Variants in SS18L1 observed in about 807,000 individuals in gnomAD.
SS18L1 encodes the protein SS18L1 subunit of BAF chromatin remodeling complex, also known as calcium-responsive transactivator.
Under a neutral mutation model 70.3 loss-of-function variants are expected in SS18L1, and 32 were observed. The ratio of observed to expected loss-of-function variants is 0.46; its 90% CI spans 0.34 to 0.61. The LOEUF is 0.61. Among genes scored for constraint, SS18L1 ranks in the 20% least tolerant of loss-of-function variants. The probability of loss-of-function intolerance (pLI) is 0.01; values close to 1 mark genes in which losing one functional copy is unlikely to be tolerated. For synonymous variants in SS18L1, 237 were observed against 229.7 expected (o/e 1.03, Z -0.29); for missense variants, 430 against 542.1 (o/e 0.79, Z 2.05).
At position 62,175,485 on chromosome 20, in the gene SS18L1, G is replaced by A. The variant is rs539974407; in HGVS notation, c.1164+841G>A. The A allele has an allele frequency of 1.1e-5, 11 of 980,794 alleles. No homozygotes were observed. The African/African-American group carries it at 1.6e-4, about 14-fold the overall frequency. The allele number at this position is 980,794 out of a possible 1,614,324, so 60.8% of individuals were successfully genotyped here. A position where few individuals can be genotyped will look rare whatever the true frequency, so the allele number is the denominator to read the frequency against. ...TGCCAAGGTCCTGAGGCACCAGGAG[G>A]TTTGTCCCAGTGAAGGCAGCCTGAA... is the stretch of plus-strand genomic sequence containing the variant. On this transcript the variant is annotated intron_variant, in intron 10 of 10. Transcript: ENST00000331758.
intron 10 of SS18L1, among the ~76,000 whole-genome samples, chr20:62,175,792 G>A (rs376704517): frequency 2.6e-5 from 4 of 152,260 alleles, no homozygotes; most frequent in African/African-American, 7.2e-5. Context: ...CCAGGTAGAT[G>A]TAGAGAAGCC....
At chr20:62,173,705 C>T (rs1311550693) in intron 9 of SS18L1, among the ~76,000 whole-genome samples, 1 of 150,846 alleles carries the variant, frequency 6.6e-6, no homozygotes, top group East Asian at 2.0e-4. Flanking sequence ...GAGACGACTC[C>T]TCAAAAAATA....
intron 1 of SS18L1, among the ~76,000 whole-genome samples, chr20:62,156,913 T>C (rs2057233199): frequency 6.6e-6 from 1 of 152,204 alleles, no homozygotes; most frequent in African/African-American, 2.4e-5. Context: ...TTTCCTTGGG[T>C]GCCAGCCTCT....
chr20:62,146,074 C>T (rs1160153032), intron 1 of SS18L1, among the ~76,000 whole-genome samples: 8 of 152,094 alleles, frequency 5.3e-5, no homozygotes, highest in Admixed American at 4.6e-4. Context: ...AGGAGGTCTA[C>T]AACTTGTCCT....
chr20:62,151,381 C>T (rs1382247166), intron 1 of SS18L1, among the ~76,000 whole-genome samples: 2 of 152,220 alleles, frequency 1.3e-5, no homozygotes, highest in Admixed American at 6.5e-5. Context: ...CTCTGCTCAC[C>T]CACATGGTCC....
chr20:62,179,139 C>G (rs373027885), intron 10 of SS18L1, 43 bp from the exon 11 acceptor site: 12 of 1,612,214 alleles, frequency 7.4e-6, no homozygotes, highest in Non-Finnish European at 1.0e-5. Flanking sequence ...CTTCCTTTCA[C>G]TCATTACTAT....
At chr20:62,145,571 G>A (rs1199138589) in intron 1 of SS18L1, among the ~76,000 whole-genome samples, 2 of 152,246 alleles carry the variant, frequency 1.3e-5, no homozygotes, top group African/African-American at 4.8e-5. Context: ...TTCGCACACA[G>A]TTCCATTGAA....
At chr20:62,154,678 T>C (rs2057190919) in intron 1 of SS18L1, among the ~76,000 whole-genome samples, 1 of 152,214 alleles carries the variant, frequency 6.6e-6, no homozygotes, top group Non-Finnish European at 1.5e-5. Context: ...AACCTGGTTT[T>C]TCTCTCCTGT....
At chr20:62,151,690 A>G (rs954356618) in intron 1 of SS18L1, among the ~76,000 whole-genome samples, 1 of 152,158 alleles carries the variant, frequency 6.6e-6, no homozygotes, top group Non-Finnish European at 1.5e-5. Flanking sequence ...TGGGTAATGG[A>G]TGCACCCAGC....
At chr20:62,150,115 G>A (rs556665220) in intron 1 of SS18L1, among the ~76,000 whole-genome samples, 3 of 152,298 alleles carry the variant, frequency 2.0e-5, no homozygotes, top group South Asian at 2.1e-4. Flanking sequence ...CGGTGGGGCC[G>A]TGAGGCAGCA....
At chr20:62,146,138 A>G (rs1273304800) in intron 1 of SS18L1, among the ~76,000 whole-genome samples, 1 of 152,250 alleles carries the variant, frequency 6.6e-6, no homozygotes, top group Non-Finnish European at 1.5e-5. Context: ...TTGTCCTTAC[A>G]GCATTCTGTG....
chr20:62,155,306 G>A (rs1218715967), intron 1 of SS18L1, among the ~76,000 whole-genome samples: 1 of 152,152 alleles, frequency 6.6e-6, no homozygotes, highest in African/African-American at 2.4e-5. Context: ...TCAGCTACTC[G>A]GGCGGTTGAG....
intron 8 of SS18L1, among the ~76,000 whole-genome samples, chr20:62,170,822 C>G (rs2057518258): frequency 6.6e-6 from 1 of 152,118 alleles, no homozygotes; most frequent in Non-Finnish European, 1.5e-5. Flanking sequence ...TGAGCTGGCA[C>G]TCTCACAGTT....
intron 10 of SS18L1, among the ~76,000 whole-genome samples, chr20:62,177,401 G>T (rs2057638471): frequency 6.6e-6 from 1 of 152,188 alleles, no homozygotes; most frequent in Non-Finnish European, 1.5e-5. Flanking sequence ...AATGGTGCAG[G>T]AGCAGAAAGA....
At chr20:62,153,700 A>G (rs1161967658) in intron 1 of SS18L1, among the ~76,000 whole-genome samples, 1 of 151,866 alleles carries the variant, frequency 6.6e-6, no homozygotes, top group Non-Finnish European at 1.5e-5. Context: ...TCACTAGTGT[A>G]TCTCCTCCTT....
At chr20:62,153,801 G>T (rs372088930) in intron 1 of SS18L1, among the ~76,000 whole-genome samples, 4 of 152,164 alleles carry the variant, frequency 2.6e-5, no homozygotes, top group Non-Finnish European at 5.9e-5. Context: ...TCTTGGGTTG[G>T]GTCTTGGGTC....
intron 1 of SS18L1, among the ~76,000 whole-genome samples, chr20:62,147,073 C>T (rs1385731448): frequency 6.6e-6 from 1 of 152,196 alleles, no homozygotes; most frequent in Admixed American, 6.5e-5. Flanking sequence ...CAGTTTAGCC[C>T]ACGAGAGTGC....
At position 62,181,485 on chromosome 20, in the gene SS18L1, G is replaced by GT. The variant is rs1418507691; in HGVS notation, c.*2284dup. The stretch of plus-strand genomic sequence containing the variant: ...ATATGCCTTTTTTGTGTGTTTGTGT[G>GT]TTTTTTTAAGTGCTGTATTAATAAT... On this transcript the variant is annotated 3_prime_UTR_variant, in exon 11 of 11. Transcript: ENST00000331758. The GT allele has an allele frequency of 4.7e-6, 1 of 212,296 alleles. No homozygotes were observed. Among genetic ancestry groups the GT allele is most frequent in the Admixed American group, 5.9e-5 (1 of 17,058 alleles). The allele number at this position is 212,296 out of a possible 1,614,324, so 13.2% of individuals were successfully genotyped here.
intron 1 of SS18L1, among the ~76,000 whole-genome samples, chr20:62,147,893 CTGCGGAGGATGGGG>C (rs2057060106): frequency 6.6e-6 from 1 of 152,264 alleles, no homozygotes; most frequent in South Asian, 2.1e-4. Context: ...TGGGGATGGG[CTGCGGAGGATGGGG>C]TGCACACCCA....
Sources: gnomAD v4.1 joint callset for allele counts (sites outside exome capture counted in the v4.1 genomes callset) on GRCh38, gnomAD v4.1.1 for gene constraint, MANE v1.5 for transcripts, NCBI Gene and HGNC (gene_info 2026-07-23, HGNC 2026-07-21) for gene names.